The following ANXA8 variants were observed in gnomAD, a reference collection of about 807,000 sequenced individuals.
ANXA8 encodes the protein annexin A8.
Under a neutral mutation model 26.8 loss-of-function variants are expected in ANXA8, and 9 were observed. The ratio of observed to expected loss-of-function variants is 0.34; its 90% CI spans 0.20 to 0.59. ANXA8 has a LOEUF of 0.59. Among genes scored for constraint, ANXA8 ranks in the 20% least tolerant of loss-of-function variants. The probability of loss-of-function intolerance (pLI) is 0.84; values close to 1 mark genes in which losing one functional copy is unlikely to be tolerated. For missense variants in ANXA8, 83 were observed against 238.5 expected, an observed-to-expected ratio of 0.35 and a Z score of 4.29; for synonymous variants, 39 against 94.8, an observed-to-expected ratio of 0.41 and a Z score of 3.42.
the ANXA8 span, among the ~76,000 whole-genome samples, chr10:47,648,207 T>C: frequency 4.9e-4 from 73 of 148,528 alleles, 1 homozygote; most frequent in African/African-American, 1.6e-3. Context: ...TCTTCCATTC[T>C]CTTGCCTATG....
chr10:47,696,189 T>C, the ANXA8 span, among the ~76,000 whole-genome samples: 4 of 151,890 alleles, frequency 2.6e-5, no homozygotes, highest in Admixed American at 1.3e-4. Context: ...CTGCTATCAT[T>C]TGAATATAAA....
At chr10:47,582,555 A>G in the ANXA8 span, among the ~76,000 whole-genome samples, 1 of 141,660 alleles carries the variant, frequency 7.1e-6, no homozygotes, top group Admixed American at 6.7e-5. Flanking sequence ...GCCTGTCCAG[A>G]GCTGTAGGAG....
At chr10:47,696,032 C>G in the ANXA8 span, among the ~76,000 whole-genome samples, 2 of 151,626 alleles carry the variant, frequency 1.3e-5, no homozygotes, top group Admixed American at 6.6e-5. Flanking sequence ...TATTACTCTC[C>G]TAGGCACTAC....
the ANXA8 span, among the ~76,000 whole-genome samples, chr10:47,581,729 C>T: frequency 6.6e-6 from 1 of 150,868 alleles, no homozygotes; most frequent in African/African-American, 2.5e-5. Context: ...GCCCCAGTCT[C>T]CCGAGTAGCT....
At chr10:47,743,281 CACATATATATATACACAT>C in the ANXA8 span, among the ~76,000 whole-genome samples, 61 of 64,564 alleles carry the variant, frequency 9.4e-4, no homozygotes, top group Middle Eastern at 6.8e-3. Flanking sequence ...TATATATACA[CACATATATATATACACAT>C]ATATATATAT....
At chr10:47,587,031 C>A in the ANXA8 span, among the ~76,000 whole-genome samples, 1 of 146,294 alleles carries the variant, frequency 6.8e-6, no homozygotes. Context: ...ATGGTGAAAT[C>A]CCGTCTCTAC....
chr10:47,609,262 G>C, the ANXA8 span, among the ~76,000 whole-genome samples: 2 of 147,868 alleles, frequency 1.4e-5, 1 homozygote, highest in South Asian at 4.2e-4. Context: ...AAATGCCAAG[G>C]AGATGTCATT....
the ANXA8 span, among the ~76,000 whole-genome samples, chr10:47,631,437 G>A: frequency 6.6e-6 from 1 of 151,106 alleles, no homozygotes; most frequent in South Asian, 2.1e-4. Context: ...GGCCTTATAT[G>A]TACACCTGGC....
At chr10:47,939,442 T>G in the ANXA8 span, among the ~76,000 whole-genome samples, 3 of 145,102 alleles carry the variant, frequency 2.1e-5, no homozygotes, top group African/African-American at 8.1e-5. Context: ...ATGGCATGAC[T>G]CCAGCTAGGT....
At chr10:47,982,124 C>CA in the ANXA8 span, among the ~76,000 whole-genome samples, 2 of 151,316 alleles carry the variant, frequency 1.3e-5, no homozygotes, top group South Asian at 4.2e-4. Flanking sequence ...CCCATCTCTA[C>CA]AAAAAATAAA....
the ANXA8 span, among the ~76,000 whole-genome samples, chr10:47,652,504 C>T: frequency 2.1e-4 from 31 of 150,648 alleles, no homozygotes; most frequent in Middle Eastern, 3.4e-3. Flanking sequence ...GGCTGAGGCA[C>T]GAGAATTATT....
At chr10:47,549,562 C>T in the ANXA8 span, among the ~76,000 whole-genome samples, 1 of 147,780 alleles carries the variant, frequency 6.8e-6, no homozygotes, top group Admixed American at 6.8e-5. Flanking sequence ...TCCTGTTTTT[C>T]TTCCTGTGTT....
chr10:47,485,684 G>T (rs1363341712), upstream of ANXA8, among the ~76,000 whole-genome samples: 49 of 152,024 alleles, frequency 3.2e-4, no homozygotes, highest in African/African-American at 1.2e-3. Context: ...ATTAAAAAAT[G>T]TTAAGTTAAA....
chr10:47,952,872 T>G, the ANXA8 span, among the ~76,000 whole-genome samples: 2 of 148,474 alleles, frequency 1.3e-5, no homozygotes, highest in Non-Finnish European at 3.0e-5. Context: ...CAAAGTAATT[T>G]GATGGGGAAA....
At chr10:47,627,188 A>T in the ANXA8 span, among the ~76,000 whole-genome samples, 2 of 150,076 alleles carry the variant, frequency 1.3e-5, no homozygotes, top group Admixed American at 1.3e-4. Context: ...AACAGTAATA[A>T]TCTTTTCATG....
chr10:47,581,769 C>T, the ANXA8 span, among the ~76,000 whole-genome samples: 18 of 97,934 alleles, frequency 1.8e-4, 2 homozygotes, highest in African/African-American at 5.5e-4. Context: ...ACCATGCTAA[C>T]TTTTTGTATT....
chr10:47,690,892 C>G, the ANXA8 span: 1 of 1,611,468 alleles, frequency 6.2e-7, no homozygotes, highest in Non-Finnish European at 8.5e-7. Flanking sequence ...ATCTAGAGTC[C>G]TTCAAGTAGC....
chr10:47,977,228 A>G, the ANXA8 span, among the ~76,000 whole-genome samples: 2 of 115,682 alleles, frequency 1.7e-5, no homozygotes, highest in East Asian at 4.3e-4. Context: ...GTGGCTACAC[A>G]TGACAAAAAG....
chr10:47,553,647 G>A, the ANXA8 span: 1 of 159,256 alleles, frequency 6.3e-6, no homozygotes. Flanking sequence ...CCGAGTGCTG[G>A]CGCCGGCGCC....
Sources: allele counts gnomAD v4.1 joint callset (sites outside exome capture counted in the v4.1 genomes callset), GRCh38; gene constraint gnomAD v4.1.1; transcripts MANE v1.5; gene names NCBI Gene and HGNC (gene_info 2026-07-23, HGNC 2026-07-21).